Variants in PTPRE observed in about 807,000 individuals in gnomAD.
PTPRE encodes receptor-type tyrosine-protein phosphatase epsilon.
In PTPRE, 51 loss-of-function variants were observed where a neutral mutation model predicts 102.0. The observed-to-expected ratio is 0.50, with a 90% CI of 0.40 to 0.63. The LOEUF (loss-of-function observed/expected upper bound fraction) is 0.63. PTPRE is among the 30% of genes least tolerant of loss of function. The pLI is 0.00. For synonymous variants in PTPRE, 345 were observed against 348.2 expected (o/e 0.99, Z 0.10); for missense variants, 752 against 915.1 (o/e 0.82, Z 2.30).
At chr10:127,984,078 C>CTTTTTTTT (rs58130253) in intron 2 of PTPRE, among the ~76,000 whole-genome samples, 6 of 125,370 alleles carry the variant, frequency 4.8e-5, no homozygotes, top group Non-Finnish European at 8.1e-5. Flanking sequence ...TTCTTTCTTT[C>CTTTTTTTT]TTTTTTTTTT....
At chr10:127,921,368 G>A (rs534832791) in intron 1 of PTPRE, among the ~76,000 whole-genome samples, 13 of 152,328 alleles carry the variant, frequency 8.5e-5, no homozygotes, top group East Asian at 7.7e-4. Context: ...TCCCCAAGAC[G>A]GAGGAGTGAT....
intron 1 of PTPRE, among the ~76,000 whole-genome samples, chr10:127,909,191 G>A (rs1283647673): frequency 3.3e-5 from 5 of 152,198 alleles, no homozygotes; most frequent in African/African-American, 4.8e-5. Context: ...CCAGGGATGC[G>A]TGTGTGCAAA....
chr10:127,953,837 G>A (rs1849212782), intron 1 of PTPRE, among the ~76,000 whole-genome samples: 1 of 152,196 alleles, frequency 6.6e-6, no homozygotes, highest in Non-Finnish European at 1.5e-5. Context: ...AAAACACTGG[G>A]CAATGTACCT....
chr10:127,988,411 T>C (rs561553008), intron 2 of PTPRE, among the ~76,000 whole-genome samples: 2 of 151,356 alleles, frequency 1.3e-5, no homozygotes, highest in African/African-American at 4.9e-5. Context: ...GTTCAAGCGA[T>C]TCTCCTGCCT....
chr10:127,968,738 T>C (rs757271529), intron 1 of PTPRE, among the ~76,000 whole-genome samples: 11 of 152,354 alleles, frequency 7.2e-5, no homozygotes, highest in Admixed American at 2.6e-4. Flanking sequence ...GTCAGAATAA[T>C]AATAACTGGG....
intron 1 of PTPRE, among the ~76,000 whole-genome samples, chr10:127,946,125 G>A (rs1255044077): frequency 6.6e-6 from 1 of 152,166 alleles, no homozygotes; most frequent in African/African-American, 2.4e-5. Flanking sequence ...GTCAGGAAGT[G>A]CCTGTCAGAG....
chr10:128,030,670 C>T (rs1016024862), intron 2 of PTPRE, among the ~76,000 whole-genome samples: 3 of 152,196 alleles, frequency 2.0e-5, no homozygotes, highest in East Asian at 1.9e-4. Flanking sequence ...TGAGCAGTGC[C>T]GCGTGCATGG....
intron 1 of PTPRE, chr10:127,934,490 G>C (rs1589768970): frequency 6.6e-6 from 1 of 152,186 alleles, no homozygotes; most frequent in South Asian, 2.1e-4. Context: ...CAGAAAGCTC[G>C]GTGACGGTTT....
intron 2 of PTPRE, among the ~76,000 whole-genome samples, chr10:128,010,278 C>A (rs1844871074): frequency 1.3e-5 from 2 of 152,220 alleles, no homozygotes; most frequent in Non-Finnish European, 2.9e-5. Flanking sequence ...CAGAAAATGG[C>A]AGAGCCCAGG....
chr10:127,968,466 G>A (rs1215147215), intron 1 of PTPRE, among the ~76,000 whole-genome samples: 2 of 152,322 alleles, frequency 1.3e-5, no homozygotes, highest in Non-Finnish European at 1.5e-5. Context: ...GCCATCTGGC[G>A]AGTTCTGCCT....
chr10:127,918,382 C>T (rs565970711), intron 1 of PTPRE, among the ~76,000 whole-genome samples: 425 of 152,094 alleles, frequency 2.8e-3, no homozygotes, highest in African/African-American at 9.1e-3. Context: ...CACGGTGAAA[C>T]CCCATCTCTA....
At chr10:128,005,782 G>A (rs1314556520) in intron 2 of PTPRE, among the ~76,000 whole-genome samples, 2 of 152,164 alleles carry the variant, frequency 1.3e-5, no homozygotes, top group African/African-American at 4.8e-5. Context: ...AGAGGTGTGT[G>A]GTCCCGCAGT....
intron 2 of PTPRE, among the ~76,000 whole-genome samples, chr10:128,023,652 C>CCT (rs1846090652): frequency 1.3e-5 from 2 of 152,130 alleles, no homozygotes; most frequent in African/African-American, 4.8e-5. Context: ...GGACCGTATC[C>CCT]CGCACAGATA....
chr10:127,999,482 G>T, intron 2 of PTPRE: 1 of 961,850 alleles, frequency 1.0e-6, no homozygotes, highest in Non-Finnish European at 1.2e-6. Context: ...CTCGTCCTGG[G>T]AGCAGGGCGC....
Position 128,070,198 on chromosome 10 carries a change from AAGAG to A in PTPRE, c.1144-101_1144-98del. 7.2e-7 allele frequency: 1 copy of A among 1,379,922 alleles called. No homozygotes were observed. Among genetic ancestry groups the A allele is most frequent in the Non-Finnish European group, 9.8e-7 (1 of 1,016,620 alleles). 85.5% of individuals were successfully genotyped at this position (1,379,922 alleles called of 1,614,324 possible). On this transcript the variant is annotated intron_variant, in intron 13 of 20. Coordinates refer to ENST00000254667, the MANE Select transcript of PTPRE (RefSeq NM_006504.6). The surrounding 1 kb of genome is among the most constrained non-coding windows in gnomAD (Gnocchi z 4.8). ...CCTCACACCTCCTTGTGTTGGCAAA[AAGAG>A]AAAAAGAAGAAAGCCGCCCTCTTTG...
At chr10:127,999,964 A>G (rs2135549085) in intron 2 of PTPRE, 1 of 985,352 alleles carries the variant, frequency 1.0e-6, no homozygotes, top group East Asian at 1.1e-4. Flanking sequence ...GGTGCTCTGT[A>G]AGTATCCATG....
chr10:128,026,464 C>T (rs1010191789), intron 2 of PTPRE, among the ~76,000 whole-genome samples: 2 of 152,230 alleles, frequency 1.3e-5, no homozygotes, highest in Admixed American at 6.5e-5. Flanking sequence ...TGGGTCAGCT[C>T]GGGCTTGTCC....
At chr10:128,034,996 G>GTTT (rs1363772318) in intron 2 of PTPRE, among the ~76,000 whole-genome samples, 6 of 152,064 alleles carry the variant, frequency 3.9e-5, no homozygotes, top group African/African-American at 1.4e-4. Context: ...TGTTGTTGTT[G>GTTT]TTGTTGACAC....
At chr10:128,041,632 CAG>C (rs920050028) in intron 3 of PTPRE, among the ~76,000 whole-genome samples, 15 of 97,548 alleles carry the variant, frequency 1.5e-4, no homozygotes, top group Non-Finnish European at 2.4e-4. Context: ...TGGCAACAGA[CAG>C]AGACTACGTC....
Sources: allele counts gnomAD v4.1 joint callset (sites outside exome capture counted in the v4.1 genomes callset), GRCh38; gene constraint gnomAD v4.1.1; non-coding constraint Gnocchi (gnomAD v3.1); transcripts MANE v1.5; gene names NCBI Gene and HGNC (gene_info 2026-07-23, HGNC 2026-07-21).